The following AMN1 variants were observed in gnomAD, a reference collection of about 807,000 sequenced individuals.
The protein encoded by AMN1 is antagonist of mitotic exit network 1 homolog.
Under a neutral mutation model 33.0 loss-of-function variants are expected in AMN1, and 20 were observed. That is an observed-to-expected ratio of 0.61 (90% CI 0.43 to 0.88). The LOEUF (loss-of-function observed/expected upper bound fraction) is 0.88, where lower values mean the gene tolerates loss of function less well. Among genes scored for constraint, AMN1 ranks in the 40% least tolerant of loss-of-function variants. The pLI is 0.00. For missense variants in AMN1, 246 were observed against 307.4 expected, an observed-to-expected ratio of 0.80 and a Z score of 1.49; for synonymous variants, 114 against 111.9, an observed-to-expected ratio of 1.02 and a Z score of -0.12.
Position 31,701,939 on chromosome 12 carries a change from G to C in AMN1, c.240C>G (p.His80Gln). The C allele has an allele frequency of 2.5e-6, 4 of 1,610,408 alleles. No individual in the cohort carries two copies. The South Asian group carries it at 4.4e-5, about 18-fold the overall frequency. ...SCDISDAALL[H>Q]LSNCRKLKKL... ...TCTTCAGTTTTCTACAGTTAGACAGGTGCAGGAGAGCAGCATCTGATATAT... is the reference window on the plus strand; with the variant it reads ...TCTTCAGTTTTCTACAGTTAGACAGCTGCAGGAGAGCAGCATCTGATATAT... Residue 80 changes from histidine (H) to glutamine (Q), a missense_variant, in exon 3 of 7, where the codon CAC (histidine) becomes CAG (glutamine). Transcript: ENST00000281471.
At chr12:31,708,373 G>C (rs1939333562) in intron 2 of AMN1, among the ~76,000 whole-genome samples, 1 of 152,168 alleles carries the variant, frequency 6.6e-6, no homozygotes, top group South Asian at 2.1e-4. Flanking sequence ...CTGGTCTCCT[G>C]CAGTACCCTC....
At chr12:31,726,004 C>T (rs540767871) in intron 1 of AMN1, among the ~76,000 whole-genome samples, 1 of 152,008 alleles carries the variant, frequency 6.6e-6, no homozygotes, top group East Asian at 1.9e-4. Flanking sequence ...CAGCCTAATC[C>T]TTGATCTTTC....
At chr12:31,729,071 C>T, upstream of AMN1, 1 of 1,438,344 alleles carries the variant, frequency 7.0e-7, no homozygotes, top group Non-Finnish European at 9.3e-7. Context: ...CAGGGACCGT[C>T]CGCCAACTCC....
At chr12:31,673,389 A>G (rs1951321746) in intron 6 of AMN1, among the ~76,000 whole-genome samples, 1 of 152,190 alleles carries the variant, frequency 6.6e-6, no homozygotes, top group Non-Finnish European at 1.5e-5. Context: ...AAAAGTTATT[A>G]TCATTGGGAA....
At chr12:31,704,211 T>C (rs1939124910) in intron 2 of AMN1, among the ~76,000 whole-genome samples, 1 of 152,162 alleles carries the variant, frequency 6.6e-6, no homozygotes, top group African/African-American at 2.4e-5. Flanking sequence ...AAAGTGACAG[T>C]TTCTCCACAC....
Position 31,683,657 on chromosome 12 carries a change from A to C in AMN1, c.703+5350T>G, listed in dbSNP as rs988998184. 1.3e-5 allele frequency among the ~76,000 whole-genome samples: 2 copies of C among 152,140 alleles called. No homozygotes were observed. Among genetic ancestry groups the C allele is most frequent in the Non-Finnish European group, 2.9e-5 (2 of 68,032 alleles). ...TGGCTCTCATTCTCTCTTGCCTGCC[A>C]CCCTGTAAGACGTGCCTTTCGCCTT... On this transcript the variant is annotated intron_variant, in intron 6 of 6. Transcript: ENST00000281471. This position sits in a 1 kb window ranked among gnomAD's most constrained non-coding sequence, Gnocchi z 4.1.
chr12:31,685,526 C>A (rs114389033), intron 6 of AMN1, among the ~76,000 whole-genome samples: 1 of 152,040 alleles, frequency 6.6e-6, no homozygotes, highest in Non-Finnish European at 1.5e-5. Flanking sequence ...AACAGCTGGG[C>A]GTGGTAGCTC....
intron 1 of AMN1, among the ~76,000 whole-genome samples, chr12:31,723,636 G>A (rs985226114): frequency 2.0e-5 from 3 of 152,294 alleles, no homozygotes; most frequent in East Asian, 1.9e-4. Flanking sequence ...ACAATGAGCC[G>A]ATAGTCAAGG....
chr12:31,708,408 C>T (rs930795121), intron 2 of AMN1, among the ~76,000 whole-genome samples: 2 of 152,190 alleles, frequency 1.3e-5, no homozygotes, highest in Non-Finnish European at 2.9e-5. Flanking sequence ...TGGGAAACCC[C>T]AGCCCTGGTA....
At chr12:31,700,063 C>T (rs1036901639) in intron 3 of AMN1, among the ~76,000 whole-genome samples, 2 of 151,848 alleles carry the variant, frequency 1.3e-5, no homozygotes, top group Admixed American at 6.6e-5. Context: ...TATCCTAACT[C>T]GCTAACCAAG....
At chr12:31,713,381 A>G (rs1021568361) in intron 1 of AMN1, among the ~76,000 whole-genome samples, 2 of 152,202 alleles carry the variant, frequency 1.3e-5, no homozygotes, top group Admixed American at 6.5e-5. Context: ...TGTAATTTAA[A>G]ATCAAGTCTT....
intron 6 of AMN1, among the ~76,000 whole-genome samples, chr12:31,675,636 A>G (rs149991648): frequency 0.01 from 1,587 of 151,366 alleles, 52 homozygotes; most frequent in African/African-American, 0.037. Context: ...CTGGGATTAC[A>G]GGCGCCCGCA....
chr12:31,708,395 G>A (rs1939334340), intron 2 of AMN1, among the ~76,000 whole-genome samples: 1 of 152,140 alleles, frequency 6.6e-6, no homozygotes, highest in Non-Finnish European at 1.5e-5. Flanking sequence ...GGCTTACTAG[G>A]ATTGGGAAAC....
At chr12:31,685,908 A>G (rs1938244990) in intron 6 of AMN1, among the ~76,000 whole-genome samples, 1 of 151,212 alleles carries the variant, frequency 6.6e-6, no homozygotes, top group Admixed American at 6.6e-5. Flanking sequence ...GCTGGAGTGC[A>G]ATGACGTGAT....
intron 5 of AMN1, among the ~76,000 whole-genome samples, chr12:31,696,783 C>T (rs188526819): frequency 2.0e-5 from 3 of 151,748 alleles, no homozygotes; most frequent in East Asian, 1.9e-4. Context: ...AAAAATTAGT[C>T]GGTGGCACAC....
chr12:31,687,060 G>C lies in AMN1; in HGVS notation c.703+1947C>G, dbSNP rs1214060186. Among the ~76,000 whole-genome samples, 4 of 150,816 alleles carry C rather than the reference G, an allele frequency of 2.7e-5. No homozygotes were observed. Among genetic ancestry groups the C allele is most frequent in the Non-Finnish European group, 4.4e-5 (3 of 67,754 alleles). Reference sequence around the variant, plus strand: ...GGGTCTCACTCTGTTACCCAGACTGGGGTGCAGTGGGGTGATCATGGCTCA... The same window carrying C: ...GGGTCTCACTCTGTTACCCAGACTGCGGTGCAGTGGGGTGATCATGGCTCA... On this transcript the variant is annotated intron_variant, in intron 6 of 6. Transcript: ENST00000281471. The surrounding 1 kb of genome is among the most constrained non-coding windows in gnomAD (Gnocchi z 4.1).
At chr12:31,722,631 T>A (rs1019741881) in intron 1 of AMN1, among the ~76,000 whole-genome samples, 4 of 152,176 alleles carry the variant, frequency 2.6e-5, no homozygotes, top group Non-Finnish European at 5.9e-5. Flanking sequence ...TATTCTGGGA[T>A]TCCACTCTGA....
chr12:31,706,148 T>G (rs2139702771), intron 2 of AMN1, among the ~76,000 whole-genome samples: 2 of 151,594 alleles, frequency 1.3e-5, no homozygotes, highest in South Asian at 4.2e-4. Context: ...CCGTCTCTAC[T>G]AAAAATACAA....
At chr12:31,707,686 T>A (rs1939299780) in intron 2 of AMN1, among the ~76,000 whole-genome samples, 4 of 152,222 alleles carry the variant, frequency 2.6e-5, no homozygotes, top group Admixed American at 2.6e-4. Context: ...GAATCTGTGT[T>A]CCTTGAATTC....
Sources: allele counts gnomAD v4.1 joint callset (sites outside exome capture counted in the v4.1 genomes callset), GRCh38; gene constraint gnomAD v4.1.1; non-coding constraint Gnocchi (gnomAD v3.1); transcripts MANE v1.5; gene names NCBI Gene and HGNC (gene_info 2026-07-23, HGNC 2026-07-21).